TANGO6: variants seen among roughly 807,000 people sequenced by gnomAD.
The protein encoded by TANGO6 is transport and Golgi organization protein 6 homolog.
A neutral mutation model predicts 114.2 loss-of-function variants in TANGO6; 90 were observed. The observed-to-expected ratio is 0.79, with a 90% confidence interval of 0.66 to 0.94. TANGO6 has a LOEUF of 0.94. Among genes scored for constraint, TANGO6 ranks in the 40% least tolerant of loss-of-function variants. TANGO6 has a pLI of 0.00. For synonymous variants in TANGO6, 477 were observed against 509.8 expected (o/e 0.94, Z 0.87); for missense variants, 1,274 against 1,315.3 (o/e 0.97, Z 0.49).
At chr16:69,067,518 C>CAAAAAAAAAAAAAAAAAAAA (rs1199698790) in intron 17 of TANGO6, among the ~76,000 whole-genome samples, 7 of 43,722 alleles carry the variant, frequency 1.6e-4, no homozygotes, top group African/African-American at 2.9e-4. Context: ...AACTCCATCT[C>CAAAAAAAAAAAAAAAAAAAA]AAAAAAAAAA....
intron 11 of TANGO6, among the ~76,000 whole-genome samples, chr16:68,912,583 G>A (rs956581963): frequency 1.3e-5 from 2 of 152,114 alleles, no homozygotes; most frequent in South Asian, 2.1e-4. Context: ...GCAGTGAGCC[G>A]AGATCGCACC....
intron 16 of TANGO6, among the ~76,000 whole-genome samples, chr16:69,039,327 CA>C (rs1224194865): frequency 0.23 from 23,614 of 102,748 alleles, 1,783 homozygotes; most frequent in Middle Eastern, 0.25. Context: ...GACTCCGTCT[CA>C]AAAAAAAAAA....
At chr16:69,079,665 G>A (rs1960438220) in intron 17 of TANGO6, among the ~76,000 whole-genome samples, 2 of 152,070 alleles carry the variant, frequency 1.3e-5, no homozygotes, top group African/African-American at 4.8e-5. Context: ...TATATTTGTT[G>A]GAAGTATGCA....
At chr16:69,054,224 C>T (rs1959997368) in intron 17 of TANGO6, among the ~76,000 whole-genome samples, 2 of 152,196 alleles carry the variant, frequency 1.3e-5, no homozygotes, top group Non-Finnish European at 2.9e-5. Context: ...ATCTGTGTCT[C>T]TATCTAATGT....
chr16:68,900,017 T>C (rs1453243146), intron 7 of TANGO6, among the ~76,000 whole-genome samples: 1 of 152,200 alleles, frequency 6.6e-6, no homozygotes, highest in Non-Finnish European at 1.5e-5. Flanking sequence ...TTGGTTTGAT[T>C]TTCCAAATCC....
intron 15 of TANGO6, among the ~76,000 whole-genome samples, chr16:68,991,268 A>T (rs1009651904): frequency 1.3e-5 from 2 of 152,196 alleles, no homozygotes; most frequent in Admixed American, 1.3e-4. Context: ...AGGAAACAGC[A>T]TGATGATAAA....
intron 12 of TANGO6, 45 bp from the exon 13 acceptor site, chr16:68,927,523 T>G (rs529645125): frequency 6.3e-7 from 1 of 1,588,744 alleles, no homozygotes; most frequent in Non-Finnish European, 8.6e-7. Context: ...ATATTGAAAT[T>G]TGCTATGTTA....
intron 17 of TANGO6, among the ~76,000 whole-genome samples, chr16:69,077,339 T>G (rs967608158): frequency 6.6e-6 from 1 of 152,238 alleles, no homozygotes; most frequent in African/African-American, 2.4e-5. Context: ...GCATGGGACC[T>G]TGTGTGACTG....
chr16:68,972,829 A>G (rs779457122), intron 14 of TANGO6, among the ~76,000 whole-genome samples: 1 of 152,220 alleles, frequency 6.6e-6, no homozygotes, highest in East Asian at 1.9e-4. Flanking sequence ...GACAAATGTG[A>G]TCTGTGAGCA....
intron 17 of TANGO6, among the ~76,000 whole-genome samples, chr16:69,041,043 T>C (rs1959765263): frequency 6.6e-6 from 1 of 152,138 alleles, no homozygotes. Context: ...CATTCCCAGT[T>C]GACTTCCTAT....
At chr16:69,066,032 T>G (rs1027942108) in intron 17 of TANGO6, among the ~76,000 whole-genome samples, 2 of 152,184 alleles carry the variant, frequency 1.3e-5, no homozygotes, top group Non-Finnish European at 2.9e-5. Context: ...GGCAGAATTC[T>G]TCCTGATGCT....
chr16:68,976,924 A>G (rs1963770295), intron 15 of TANGO6, among the ~76,000 whole-genome samples: 1 of 152,224 alleles, frequency 6.6e-6, no homozygotes. Flanking sequence ...TAGTAATTCC[A>G]TTATATACTC....
intron 17 of TANGO6, among the ~76,000 whole-genome samples, chr16:69,041,752 T>C (rs1275601687): frequency 1.3e-5 from 2 of 152,202 alleles, no homozygotes; most frequent in African/African-American, 2.4e-5. Flanking sequence ...ACTTATCTGC[T>C]ATGAGCATGT....
rs532609802 is a variant in TANGO6 at position 68,933,152 on chromosome 16, C to CACTTTGGGAG, written c.2701+2857_2701+2858insACTTTGGGAG. Among the ~76,000 whole-genome samples, 721 of 152,196 alleles carry CACTTTGGGAG rather than the reference C, an allele frequency of 4.7e-3. 6 individuals carry two copies. Among genetic ancestry groups the CACTTTGGGAG allele is most frequent in the African/African-American group, 0.017 (688 of 41,516 alleles). On this transcript the variant is annotated intron_variant, in intron 14 of 17. Transcript: ENST00000261778. The stretch of plus-strand genomic sequence containing the variant: ...ATTTAACAAACTACTCTGTGGCTCA[C>CACTTTGGGAG]GCCTATCATCCCAGCACTTTGGGAG...
At chr16:69,083,222 G>A (rs1394996109) in intron 17 of TANGO6, among the ~76,000 whole-genome samples, 3 of 150,158 alleles carry the variant, frequency 2.0e-5, no homozygotes, top group Admixed American at 6.7e-5. Flanking sequence ...CACCACACCC[G>A]GCTGATTTTT....
intron 11 of TANGO6, 195 bp downstream of exon 11, chr16:68,909,597 C>T (rs573583930): frequency 6.7e-5 from 28 of 415,738 alleles, no homozygotes; most frequent in Non-Finnish European, 1.1e-4. Context: ...AGACTCCACA[C>T]GTTTAACAAG....
chr16:68,983,948 G>T (rs1440335330), intron 15 of TANGO6, among the ~76,000 whole-genome samples: 3 of 151,876 alleles, frequency 2.0e-5, no homozygotes, highest in East Asian at 1.9e-4. Flanking sequence ...CAGGAGAATG[G>T]TGTGAACCTG....
intron 17 of TANGO6, among the ~76,000 whole-genome samples, chr16:69,042,324 A>T (rs1313591729): frequency 6.6e-6 from 1 of 152,270 alleles, no homozygotes; most frequent in East Asian, 1.9e-4. Flanking sequence ...AGGCGGGTGG[A>T]TCACCTGAGG....
In TANGO6 at chr16:68,860,030, G is replaced by T. The variant is rs773024168; in HGVS notation, c.241G>T (p.Ala81Ser). The change falls in exon 2 of 18, where the codon GCA becomes TCA. Residue 81 changes from alanine (A) to serine (S), a missense_variant. Coordinates refer to ENST00000261778, the MANE Select transcript of TANGO6 (RefSeq NM_024562.2). ...KLLRDEIADK[A>S]EWPQNSVDVT... ...CCTAAGAGATGAAATTGCTGATAAG[G>T]CAGAATGGCCACAAAACTCTGTGGA... 4.3e-6 allele frequency: 7 copies of T among 1,613,840 alleles called. No homozygotes were observed. The Admixed American group carries it at 8.3e-5, about 19-fold the overall frequency.
Sources: allele counts gnomAD v4.1 joint callset (sites outside exome capture counted in the v4.1 genomes callset), GRCh38; gene constraint gnomAD v4.1.1; transcripts MANE v1.5; gene names NCBI Gene and HGNC (gene_info 2026-07-23, HGNC 2026-07-21).